Variants in WDSUB1 observed in about 807,000 individuals in gnomAD.
WDSUB1 encodes the protein WD repeat, SAM and U-box domain-containing protein 1.
In WDSUB1, 49 loss-of-function variants were observed where a neutral mutation model predicts 53.9. That is an observed-to-expected ratio of 0.91 (90% CI 0.72 to 1.15). The LOEUF is 1.15. Ranked by LOEUF, WDSUB1 falls within the 50% of genes most tolerant of loss-of-function variation. WDSUB1 has a pLI of 0.00. For synonymous variants in WDSUB1, 194 were observed against 200.6 expected (o/e 0.97, Z 0.28); for missense variants, 514 against 562.0 (o/e 0.91, Z 0.86).
Position 159,265,222 on chromosome 2 carries a change from G to A in WDSUB1, c.771-5379C>T, listed in dbSNP as rs982770472. On this transcript the variant is annotated intron_variant, in intron 5 of 10. Transcript: ENST00000359774. ...TGGGATGACTGTTTGAGCCCAGGAA[G>A]TCAAGGCTCCAGTGAGCCACTCCAG... Among the ~76,000 whole-genome samples, 11 of 148,872 alleles carry A rather than the reference G, an allele frequency of 7.4e-5. 1 individual carries two copies. The highest frequency in any genetic ancestry group is 2.7e-4 in the Admixed American group (4 of 14,814).
intron 10 of WDSUB1, among the ~76,000 whole-genome samples, chr2:159,247,397 A>G (rs1418563814): frequency 6.6e-6 from 1 of 152,222 alleles, no homozygotes; most frequent in African/African-American, 2.4e-5. Context: ...CATGTAAAAA[A>G]AATTCATTGC....
intron 3 of WDSUB1, among the ~76,000 whole-genome samples, chr2:159,279,500 C>T (rs2061606842): frequency 6.6e-6 from 1 of 152,040 alleles, no homozygotes; most frequent in Non-Finnish European, 1.5e-5. Context: ...ATTTGAGCCA[C>T]CCCCTGCATA....
intron 1 of WDSUB1, among the ~76,000 whole-genome samples, chr2:159,284,796 G>A (rs1202773738): frequency 1.3e-5 from 2 of 152,152 alleles, no homozygotes; most frequent in Non-Finnish European, 2.9e-5. Flanking sequence ...ATTCCCGCCT[G>A]CCCACTTCTC....
intron 10 of WDSUB1, among the ~76,000 whole-genome samples, chr2:159,244,108 A>G (rs1365281217): frequency 6.6e-6 from 1 of 152,200 alleles, no homozygotes. Flanking sequence ...TGATAAGGGG[A>G]GCTAATTATC....
chr2:159,247,896 T>TATATATATAAATATATATATATATATAA (rs1559531750), intron 10 of WDSUB1, among the ~76,000 whole-genome samples: 1 of 53,988 alleles, frequency 1.9e-5, no homozygotes, highest in Non-Finnish European at 3.1e-5. Context: ...AATATATATA[T>TATATATATAAATATATATATATATATAA]ATATATATAT....
At chr2:159,264,938 G>C (rs916809234) in intron 5 of WDSUB1, among the ~76,000 whole-genome samples, 1 of 151,958 alleles carries the variant, frequency 6.6e-6, no homozygotes, top group African/African-American at 2.4e-5. Context: ...ACAAAAATTA[G>C]CCAGGCATGG....
intron 10 of WDSUB1, 62 bp from the exon 11 acceptor site, chr2:159,236,252 T>A (rs1386576374): frequency 1.3e-6 from 2 of 1,507,794 alleles, no homozygotes; most frequent in African/African-American, 2.8e-5. Flanking sequence ...ATGTCTAAAA[T>A]GAAGTGAATG....
chr2:159,253,624 A>G (rs1458424039), intron 9 of WDSUB1, among the ~76,000 whole-genome samples: 2 of 152,246 alleles, frequency 1.3e-5, no homozygotes, highest in Non-Finnish European at 2.9e-5. Flanking sequence ...TTAAACTCAG[A>G]TTTATTCACA....
intron 8 of WDSUB1, among the ~76,000 whole-genome samples, chr2:159,256,799 G>A (rs933738195): frequency 3.9e-5 from 6 of 152,022 alleles, no homozygotes; most frequent in South Asian, 2.1e-4. Flanking sequence ...TGCCAATGTC[G>A]CTTGATGCCA....
chr2:159,257,253 C>T (rs1387878269), intron 8 of WDSUB1, among the ~76,000 whole-genome samples: 1 of 152,134 alleles, frequency 6.6e-6, no homozygotes, highest in Admixed American at 6.5e-5. Flanking sequence ...CCATCCACCT[C>T]GGCCTCCCAA....
chr2:159,242,228 A>T (rs2060672636), intron 10 of WDSUB1, among the ~76,000 whole-genome samples: 1 of 145,824 alleles, frequency 6.9e-6, no homozygotes, highest in Non-Finnish European at 1.5e-5. Context: ...TTTTTTTTTA[A>T]ATATATTTTT....
At chr2:159,261,155 A>G (rs1018626430) in intron 5 of WDSUB1, among the ~76,000 whole-genome samples, 1 of 152,236 alleles carries the variant, frequency 6.6e-6, no homozygotes, top group African/African-American at 2.4e-5. Flanking sequence ...TGAAATAGGA[A>G]AAAAATAACA....
chr2:159,237,063 CATTT>C (rs2060502355), intron 10 of WDSUB1, among the ~76,000 whole-genome samples: 1 of 152,180 alleles, frequency 6.6e-6, no homozygotes, highest in African/African-American at 2.4e-5. Context: ...TTCATTTACT[CATTT>C]AGTCTACAGT....
chr2:159,272,656 G>A (rs2061467136), intron 4 of WDSUB1, among the ~76,000 whole-genome samples: 1 of 152,006 alleles, frequency 6.6e-6, no homozygotes, highest in Non-Finnish European at 1.5e-5. Flanking sequence ...TACGCCAATT[G>A]CCCAAAAGAC....
Position 159,282,952 on chromosome 2 carries a change from G to A in WDSUB1, c.118C>T (p.Arg40Cys), listed in dbSNP as rs766094209. The change falls in exon 2 of 11, where the codon CGT (arginine) becomes TGT (cysteine). Residue 40 changes from arginine (R) to cysteine (C), a missense_variant. By Grantham distance (180) the Arg-to-Cys change is radical. Coordinates refer to ENST00000359774, the MANE Select transcript of WDSUB1 (RefSeq NM_001128212.3). ...GAATGTGGCAGTTCAGTAAAGTCACGTAACGAGTACAGGCGAATTGTTTTG... is the reference window on the plus strand; with the variant it reads ...GAATGTGGCAGTTCAGTAAAGTCACATAACGAGTACAGGCGAATTGTTTTG... ...LDKTIRLYSL[R>C]DFTELPHSPL... 6.2e-6 allele frequency: 10 copies of A among 1,614,076 alleles called. No individual in the cohort carries two copies. Among genetic ancestry groups the A allele is most frequent in the Non-Finnish European group, 7.6e-6 (9 of 1,180,040 alleles).
Position 159,256,392 on chromosome 2 carries a change from A to G in WDSUB1, c.953-17T>C. The G allele has an allele frequency of 6.3e-7, 1 of 1,589,022 alleles. No individual in the cohort carries two copies. Among genetic ancestry groups the G allele is most frequent in the Admixed American group, 1.9e-5 (1 of 52,636 alleles). ...TGCGCCTTGCTTAAAATAAACAAACAAGTAAGTGAGATAACAAAAAAGTAT... is the reference window on the plus strand; with the variant it reads ...TGCGCCTTGCTTAAAATAAACAAACGAGTAAGTGAGATAACAAAAAAGTAT... On this transcript the variant is annotated splice_polypyrimidine_tract_variant and intron_variant, in intron 8 of 10. Transcript: ENST00000359774.
chr2:159,265,293 C>CCACACACA lies in WDSUB1; in HGVS notation c.771-5458_771-5451dup, dbSNP rs75210001. Among the ~76,000 whole-genome samples, 166 of 149,472 alleles carry CCACACACA rather than the reference C, an allele frequency of 1.1e-3. 2 individuals are homozygous for CCACACACA. Among genetic ancestry groups the CCACACACA allele is most frequent in the South Asian group, 4.5e-3 (21 of 4,702 alleles). On this transcript the variant is annotated intron_variant, in intron 5 of 10. Coordinates refer to ENST00000359774, the MANE Select transcript of WDSUB1 (RefSeq NM_001128212.3). ...CTTATCTCTAAAGCAAGCACACACA[C>CCACACACA]CACACACACACACACACACACACAC...
chr2:159,236,927 G>GT (rs1189833856), intron 10 of WDSUB1, among the ~76,000 whole-genome samples: 1 of 152,028 alleles, frequency 6.6e-6, no homozygotes, highest in Non-Finnish European at 1.5e-5. Context: ...GGCCACCAAG[G>GT]TTTTTTTAAA....
In WDSUB1 at chr2:159,235,993, T is replaced by G; in HGVS notation, c.*40A>C. 34 of 1,545,624 alleles carry G rather than the reference T, an allele frequency of 2.2e-5. No individual in the cohort carries two copies. The highest frequency in any genetic ancestry group is 2.7e-5 in the Non-Finnish European group (31 of 1,147,118). On this transcript the variant is annotated 3_prime_UTR_variant, in exon 11 of 11. Transcript: ENST00000359774. ...AGTATTTACCTATAAATCATTCAAA[T>G]GAGATCACTGAAAATATAAATAATA...
Sources: allele counts gnomAD v4.1 joint callset (sites outside exome capture counted in the v4.1 genomes callset), GRCh38; gene constraint gnomAD v4.1.1; transcripts MANE v1.5; gene names NCBI Gene and HGNC (gene_info 2026-07-23, HGNC 2026-07-21).